NCOA3: variants seen among roughly 807,000 people sequenced by gnomAD.
NCOA3 encodes CBP-interacting protein.
Under a neutral mutation model 158.8 loss-of-function variants are expected in NCOA3, and 51 were observed. That is an observed-to-expected ratio of 0.32 (90% CI 0.26 to 0.41). The LOEUF is 0.41. Among genes scored for constraint, NCOA3 ranks in the 10% least tolerant of loss-of-function variants. The probability of loss-of-function intolerance (pLI) is 1.00; values close to 1 mark genes in which losing one functional copy is unlikely to be tolerated. For missense variants in NCOA3, 1,510 were observed against 1,746.6 expected (o/e 0.86, Z 2.41); for synonymous variants, 537 against 592.4 (o/e 0.91, Z 1.36).
rs1307316477 is a variant in NCOA3, at chr20:47,542,012, T to TTTTTG, written c.-99+39997_-99+39998insGTTTT. 6.5e-5 allele frequency among the ~76,000 whole-genome samples: 7 copies of TTTTTG among 107,714 alleles called. 1 individual carries two copies. Among genetic ancestry groups the TTTTTG allele is most frequent in the South Asian group, 3.0e-4 (1 of 3,308 alleles). 70.7% of individuals were successfully genotyped at this position (107,714 alleles called of 152,430 possible). A position where few individuals can be genotyped will look rare whatever the true frequency, so the allele number is the denominator to read the frequency against. ...AAATTATTTTTTGCCCTGTAGAGTT[T>TTTTTG]TTTTTTTTTTTTTTTTTTGTTGTTG... On this transcript the variant is annotated intron_variant, in intron 1 of 22. Coordinates refer to ENST00000371998, the MANE Select transcript of NCOA3 (RefSeq NM_181659.3).
chr20:47,569,967 G>A (rs36114736), intron 1 of NCOA3, among the ~76,000 whole-genome samples: 15,447 of 151,952 alleles, frequency 0.1, 858 homozygotes, highest in Non-Finnish European at 0.12. Context: ...CTGAGATCAC[G>A]CCACTGCGCT....
chr20:47,601,855 T>G (rs2085869652), intron 2 of NCOA3, among the ~76,000 whole-genome samples: 1 of 152,240 alleles, frequency 6.6e-6, no homozygotes, highest in African/African-American at 2.4e-5. Flanking sequence ...AAAAATAGTA[T>G]GTATTGGACA....
chr20:47,526,374 GCTGCAATCTCGGCACTTTGGGAGGC>G (rs2084449455), intron 1 of NCOA3, among the ~76,000 whole-genome samples: 1 of 152,138 alleles, frequency 6.6e-6, no homozygotes, highest in African/African-American at 2.4e-5. Context: ...CCGGGCAGAG[GCTGCAATCTCGGCACTTTGGGAGGC>G]CAAGGCAGGC....
chr20:47,623,649 G>A (rs1415552229), intron 3 of NCOA3, among the ~76,000 whole-genome samples: 1 of 152,152 alleles, frequency 6.6e-6, no homozygotes, highest in African/African-American at 2.4e-5. Flanking sequence ...TAAGCCAGGC[G>A]TGGTGGCGCA....
intron 1 of NCOA3, among the ~76,000 whole-genome samples, chr20:47,576,515 G>T (rs1054566516): frequency 1.7e-4 from 26 of 151,988 alleles, no homozygotes; most frequent in Admixed American, 5.9e-4. Flanking sequence ...ATAATTACTC[G>T]ATCATTTCTC....
intron 10 of NCOA3, 28 bp from the exon 11 acceptor site, chr20:47,635,294 T>C: frequency 6.5e-7 from 1 of 1,535,068 alleles, no homozygotes. Context: ...TAGAATTTTT[T>C]AGTAAAAGTT....
At chr20:47,540,291 G>A (rs1351070061) in intron 1 of NCOA3, among the ~76,000 whole-genome samples, 4 of 152,008 alleles carry the variant, frequency 2.6e-5, no homozygotes, top group Non-Finnish European at 5.9e-5. Flanking sequence ...CAAATATCTT[G>A]GCTGGGGCGC....
At chr20:47,570,875 CTT>C (rs1334263707) in intron 1 of NCOA3, among the ~76,000 whole-genome samples, 1 of 150,536 alleles carries the variant, frequency 6.6e-6, no homozygotes, top group East Asian at 2.0e-4. Flanking sequence ...ACATTAATCT[CTT>C]TGTACCTTGC....
intron 6 of NCOA3, 62 bp from the exon 7 acceptor site, chr20:47,627,499 G>C: frequency 7.7e-7 from 1 of 1,299,474 alleles, no homozygotes; most frequent in East Asian, 2.3e-5. Context: ...TTGAATTCTT[G>C]ATGATGGTCA....
At chr20:47,551,375 T>G (rs1170846616) in intron 1 of NCOA3, among the ~76,000 whole-genome samples, 1 of 152,208 alleles carries the variant, frequency 6.6e-6, no homozygotes, top group Admixed American at 6.5e-5. Flanking sequence ...GTGTTGGTGA[T>G]GTAATGACAC....
intron 1 of NCOA3, among the ~76,000 whole-genome samples, chr20:47,571,878 C>T (rs941105474): frequency 6.6e-6 from 1 of 151,882 alleles, no homozygotes; most frequent in Admixed American, 6.6e-5. Context: ...CAGGCACATG[C>T]CACCATGCTC....
chr20:47,651,603 G>C (rs2086795395), intron 20 of NCOA3, among the ~76,000 whole-genome samples: 1 of 152,190 alleles, frequency 6.6e-6, no homozygotes, highest in South Asian at 2.1e-4. Flanking sequence ...TGAATGCTTG[G>C]TCAAGTCAGT....
intron 1 of NCOA3, among the ~76,000 whole-genome samples, chr20:47,506,783 T>A (rs1001893992): frequency 6.6e-6 from 1 of 152,174 alleles, no homozygotes; most frequent in African/African-American, 2.4e-5. Flanking sequence ...TTTTTAAATT[T>A]TCTGTTAATT....
chr20:47,511,539 A>ATT (rs2084133097), intron 1 of NCOA3, among the ~76,000 whole-genome samples: 1 of 29,248 alleles, frequency 3.4e-5, no homozygotes, highest in Non-Finnish European at 1.1e-4. Context: ...ATATATATAT[A>ATT]TATATATATA....
chr20:47,578,495 A>G (rs2085405763), intron 1 of NCOA3, among the ~76,000 whole-genome samples: 1 of 152,216 alleles, frequency 6.6e-6, no homozygotes, highest in Admixed American at 6.5e-5. Flanking sequence ...CCCATTTTAT[A>G]TAACTTGAAA....
intron 1 of NCOA3, among the ~76,000 whole-genome samples, chr20:47,536,811 T>C (rs536605108): frequency 1.2e-3 from 179 of 150,852 alleles, no homozygotes; most frequent in African/African-American, 3.6e-3. Context: ...TTTTCTTTTT[T>C]TTTTTTTTTT....
At chr20:47,570,557 A>C (rs1007360218) in intron 1 of NCOA3, among the ~76,000 whole-genome samples, 1 of 152,162 alleles carries the variant, frequency 6.6e-6, no homozygotes, top group Non-Finnish European at 1.5e-5. Context: ...CCACACTTCC[A>C]GTTACTTCCT....
chr20:47,641,183 T>C (rs1457940169), intron 16 of NCOA3, among the ~76,000 whole-genome samples: 1 of 152,142 alleles, frequency 6.6e-6, no homozygotes, highest in Non-Finnish European at 1.5e-5. Context: ...TTCATGCCCT[T>C]GTATGTGTTG....
At chr20:47,609,258 A>C (rs1201570786) in intron 2 of NCOA3, among the ~76,000 whole-genome samples, 1 of 152,150 alleles carries the variant, frequency 6.6e-6, no homozygotes, top group Non-Finnish European at 1.5e-5. Flanking sequence ...CATAGGGGAT[A>C]CTATTTCCTT....
Sources: gnomAD v4.1 joint callset for allele counts (sites outside exome capture counted in the v4.1 genomes callset) on GRCh38, gnomAD v4.1.1 for gene constraint, MANE v1.5 for transcripts, NCBI Gene and HGNC (gene_info 2026-07-23, HGNC 2026-07-21) for gene names.